Variants in RTN4IP1 observed in about 807,000 individuals in gnomAD.
The protein encoded by RTN4IP1 is NAD(P)H oxidoreductase RTN4IP1, mitochondrial.
RTN4IP1 carries 32 observed loss-of-function variants against 46.6 expected under a neutral mutation model. The ratio of observed to expected loss-of-function variants is 0.69; its 90% CI spans 0.52 to 0.92. The LOEUF (loss-of-function observed/expected upper bound fraction) is 0.92. Among genes scored for constraint, RTN4IP1 ranks in the 40% least tolerant of loss-of-function variants. The pLI is 0.00. For synonymous variants in RTN4IP1, 167 were observed against 161.8 expected (o/e 1.03, Z -0.24); for missense variants, 424 against 485.8 (o/e 0.87, Z 1.20).
chr6:106,630,163 A>G (rs994682861), upstream of RTN4IP1, among the ~76,000 whole-genome samples: 1 of 152,174 alleles, frequency 6.6e-6, no homozygotes, highest in Non-Finnish European at 1.5e-5. Flanking sequence ...ACCTACCACT[A>G]AGATACCAGT....
chr6:106,614,875 C>T (rs944258059), intron 4 of RTN4IP1, among the ~76,000 whole-genome samples: 1 of 152,116 alleles, frequency 6.6e-6, no homozygotes, highest in Non-Finnish European at 1.5e-5. Context: ...AGATAGTTAA[C>T]CTAGTCACTT....
chr6:106,611,269 G>A (rs2114667169), intron 4 of RTN4IP1, among the ~76,000 whole-genome samples: 1 of 152,220 alleles, frequency 6.6e-6, no homozygotes, highest in South Asian at 2.1e-4. Context: ...AGTGTACTCT[G>A]GGAGTCAATG....
At chr6:106,627,133 A>G (rs1776669120) in intron 1 of RTN4IP1, among the ~76,000 whole-genome samples, 1 of 44,088 alleles carries the variant, frequency 2.3e-5, no homozygotes. Flanking sequence ...TATCCTCAAA[A>G]GGTAGGAGAA....
At chr6:106,596,937 C>G (rs1775807959) in intron 5 of RTN4IP1, among the ~76,000 whole-genome samples, 1 of 152,094 alleles carries the variant, frequency 6.6e-6, no homozygotes, top group Non-Finnish European at 1.5e-5. Flanking sequence ...GTGTTACTGC[C>G]AAAAAGTCTC....
At chr6:106,604,987 A>G (rs753365271) in intron 4 of RTN4IP1, among the ~76,000 whole-genome samples, 4 of 152,162 alleles carry the variant, frequency 2.6e-5, no homozygotes, top group Non-Finnish European at 5.9e-5. Context: ...GGGGCCCACA[A>G]CTACCACTGC....
intron 3 of RTN4IP1, among the ~76,000 whole-genome samples, 173 bp downstream of exon 3, chr6:106,621,252 C>T (rs1336201872): frequency 6.6e-6 from 1 of 152,224 alleles, no homozygotes; most frequent in Non-Finnish European, 1.5e-5. Flanking sequence ...GGCAGTGTTA[C>T]TGAATGGCAT....
intron 7 of RTN4IP1, among the ~76,000 whole-genome samples, chr6:106,585,971 C>T (rs1017508225): frequency 1.1e-4 from 17 of 152,212 alleles, no homozygotes; most frequent in African/African-American, 4.1e-4. Flanking sequence ...GCTAAGAGCC[C>T]TTTCTCCACA....
intron 4 of RTN4IP1, among the ~76,000 whole-genome samples, chr6:106,618,857 C>A (rs1776412406): frequency 6.7e-6 from 1 of 149,052 alleles, no homozygotes; most frequent in Non-Finnish European, 1.5e-5. Flanking sequence ...TGGGATGATT[C>A]TTAACCTTTT....
intron 4 of RTN4IP1, among the ~76,000 whole-genome samples, chr6:106,608,476 AAG>A (rs1264718596): frequency 6.6e-6 from 1 of 152,222 alleles, no homozygotes; most frequent in African/African-American, 2.4e-5. Flanking sequence ...AAAAAACTAA[AAG>A]AGAGGATTTT....
In RTN4IP1 at chr6:106,623,901, G is replaced by C. The variant is rs73508257; in HGVS notation, c.275-932C>G. On this transcript the variant is annotated intron_variant, in intron 1 of 8. Transcript: ENST00000369063. ...AATAAGGCAAGAATATAAAGTACTT[G>C]ATGCTGACAACAGTTTACCAGTAAT... 2.9e-3 allele frequency among the ~76,000 whole-genome samples: 439 copies of C among 152,292 alleles called. 3 individuals are homozygous for C. Among genetic ancestry groups the C allele is most frequent in the African/African-American group, 0.01 (427 of 41,560 alleles).
chr6:106,592,198 C>T lies in RTN4IP1; in HGVS notation c.772G>A (p.Gly258Arg), dbSNP rs148874908. The change falls in exon 6 of 9, where the codon GGA becomes AGA. Residue 258 changes from glycine (G) to arginine (R), a missense_variant. Physicochemically the swap from Gly to Arg is moderately radical, Grantham distance 125. Transcript: ENST00000369063. ...GATTTCAACTGCTCTTCCACACTTC[C>T]AGATTTGTAATCAATTACATCGTCT... ...GADDVIDYKS[G>R]SVEEQLKSLK... The T allele has an allele frequency of 1.5e-5, 24 of 1,614,026 alleles. No individual in the cohort carries two copies. The African/African-American group carries it at 2.4e-4, about 16-fold the overall frequency.
intron 8 of RTN4IP1, among the ~76,000 whole-genome samples, chr6:106,574,054 A>C (rs886357673): frequency 6.6e-6 from 1 of 152,212 alleles, no homozygotes; most frequent in Non-Finnish European, 1.5e-5. Flanking sequence ...TGTGAGACGA[A>C]GCCTATTTGT....
At chr6:106,577,557 T>C (rs1775260167) in intron 8 of RTN4IP1, among the ~76,000 whole-genome samples, 2 of 152,050 alleles carry the variant, frequency 1.3e-5, no homozygotes, top group Admixed American at 6.5e-5. Flanking sequence ...CATAACCTTT[T>C]TGAAGTATTT....
At chr6:106,610,470 C>T (rs1367926690) in intron 4 of RTN4IP1, among the ~76,000 whole-genome samples, 1 of 152,186 alleles carries the variant, frequency 6.6e-6, no homozygotes, top group African/African-American at 2.4e-5. Context: ...ACGTTCAATG[C>T]AAAGGGAAGC....
At chr6:106,579,829 G>A (rs113891733) in intron 8 of RTN4IP1, among the ~76,000 whole-genome samples, 63 of 151,564 alleles carry the variant, frequency 4.2e-4, no homozygotes, top group African/African-American at 1.5e-3. Context: ...GCCCAGGCTG[G>A]TCTTGAACTC....
intron 5 of RTN4IP1, among the ~76,000 whole-genome samples, chr6:106,594,522 A>G (rs550153424): frequency 1.1e-3 from 174 of 151,402 alleles, no homozygotes; most frequent in African/African-American, 3.8e-3. Context: ...AAAACAAAAA[A>G]CAAAAAAAGA....
chr6:106,572,573 G>A (rs1775099000), intron 8 of RTN4IP1, among the ~76,000 whole-genome samples: 1 of 152,096 alleles, frequency 6.6e-6, no homozygotes, highest in African/African-American at 2.4e-5. Context: ...CACACTGTGT[G>A]TCCTCATGCC....
At chr6:106,604,651 AG>A (rs1205016195) in intron 4 of RTN4IP1, among the ~76,000 whole-genome samples, 1 of 152,162 alleles carries the variant, frequency 6.6e-6, no homozygotes, top group African/African-American at 2.4e-5. Flanking sequence ...AGAAGACTAG[AG>A]TAGGTGCCAC....
At chr6:106,603,680 TC>T (rs1775997939) in intron 4 of RTN4IP1, among the ~76,000 whole-genome samples, 1 of 152,168 alleles carries the variant, frequency 6.6e-6, no homozygotes, top group South Asian at 2.1e-4. Context: ...AGGAAAGGAA[TC>T]TAGACCTATC....
Sources: gnomAD v4.1 joint callset for allele counts (sites outside exome capture counted in the v4.1 genomes callset) on GRCh38, gnomAD v4.1.1 for gene constraint, MANE v1.5 for transcripts, NCBI Gene and HGNC (gene_info 2026-07-23, HGNC 2026-07-21) for gene names.